Variants in FBXO22 observed in about 807,000 individuals in gnomAD.
The protein encoded by FBXO22 is F-box only protein 22.
A neutral mutation model predicts 37.2 loss-of-function variants in FBXO22; 13 were observed. The ratio of observed to expected loss-of-function variants is 0.35; its 90% CI spans 0.23 to 0.56. The LOEUF (loss-of-function observed/expected upper bound fraction) is 0.56, where lower values mean the gene tolerates loss of function less well. Among genes scored for constraint, FBXO22 ranks in the 20% least tolerant of loss-of-function variants. FBXO22 has a pLI of 0.87. For synonymous variants in FBXO22, 189 were observed against 189.1 expected (o/e 1.00, Z 0.00); for missense variants, 446 against 509.9 (o/e 0.87, Z 1.21).
intron 6 of FBXO22, among the ~76,000 whole-genome samples, chr15:75,932,280 C>CG (rs140854350): frequency 1.3e-5 from 2 of 152,080 alleles, no homozygotes; most frequent in African/African-American, 2.4e-5. Context: ...CAGCTGAAGT[C>CG]GGGGGGAAGA....
At chr15:75,909,099 T>G (rs1397251964) in intron 2 of FBXO22, among the ~76,000 whole-genome samples, 1 of 152,206 alleles carries the variant, frequency 6.6e-6, no homozygotes, top group East Asian at 1.9e-4. Flanking sequence ...CTTGGAAAAA[T>G]ATATCATCCT....
At chr15:75,924,812 A>AG (rs1900404752) in intron 5 of FBXO22, among the ~76,000 whole-genome samples, 1 of 152,166 alleles carries the variant, frequency 6.6e-6, no homozygotes, top group African/African-American at 2.4e-5. Context: ...TGCTCCTTTG[A>AG]GAATGCTTGA....
chr15:75,941,348 C>A lies in FBXO22; in HGVS notation c.*8246C>A, dbSNP rs1243993049. The A allele has an allele frequency of 2.6e-5, 4 of 152,138 alleles. No individual in the cohort carries two copies. Among genetic ancestry groups the A allele is most frequent in the African/African-American group, 9.7e-5 (4 of 41,440 alleles). The allele number at this position is 152,138 out of a possible 1,614,324, so 9.4% of individuals were successfully genotyped here. A position where few individuals can be genotyped will look rare whatever the true frequency, so the allele number is the denominator to read the frequency against. ...CTGATGGAAATATAGTGGTATGCAG[C>A]TGCTGTAGAAAACAGTATGGTGATT... On this transcript the variant is annotated 3_prime_UTR_variant, in exon 7 of 7. Coordinates refer to ENST00000308275, the MANE Select transcript of FBXO22 (RefSeq NM_147188.3).
Position 75,932,931 on chromosome 15 carries a change from GT to G in FBXO22, c.1047del (p.Pro350LeufsTer19). ...GNVEADAFRK[F>X]FPSVPLFGFF... is the part of the protein sequence containing the mutation. ...ATGTTGAGGCTGATGCATTTAGAAA[GT>G]TTTTTCCTAGTGTTCCCTTATTCGG... On this transcript the variant is annotated frameshift_variant, in exon 7 of 7. Transcript: ENST00000308275. LOFTEE classifies it high-confidence loss of function. The G allele has an allele frequency of 2.5e-6, 4 of 1,614,232 alleles. No individual in the cohort carries two copies. The highest frequency in any genetic ancestry group is 3.4e-6 in the Non-Finnish European group (4 of 1,180,038).
chr15:75,932,306 A>T (rs908052306), intron 6 of FBXO22, among the ~76,000 whole-genome samples: 1 of 152,264 alleles, frequency 6.6e-6, no homozygotes, highest in African/African-American at 2.4e-5. Flanking sequence ...TAATGTAAAC[A>T]ATAGCAGAAG....
At chr15:75,906,677 C>A (rs1398211783) in intron 2 of FBXO22, among the ~76,000 whole-genome samples, 1 of 152,122 alleles carries the variant, frequency 6.6e-6, no homozygotes, top group Non-Finnish European at 1.5e-5. Flanking sequence ...GGCTCTGGAA[C>A]TCTCATTCCA....
rs751916562 is a variant in FBXO22, at chr15:75,933,699, A to G, written c.*597A>G. The G allele has an allele frequency of 1.0e-5, 3 of 287,708 alleles. No individual in the cohort carries two copies. Among genetic ancestry groups the G allele is most frequent in the South Asian group, 9.2e-5 (3 of 32,742 alleles). The allele number at this position is 287,708 out of a possible 1,614,324, so 17.8% of individuals were successfully genotyped here. A position where few individuals can be genotyped will look rare whatever the true frequency, so the allele number is the denominator to read the frequency against. On this transcript the variant is annotated 3_prime_UTR_variant, in exon 7 of 7. Coordinates refer to ENST00000308275, the MANE Select transcript of FBXO22 (RefSeq NM_147188.3). ...CTAATCAGTATTTTATTATAAGTAA[A>G]AGATTTTTCTTCTTTCCTTAAAAAT... is the stretch of plus-strand genomic sequence containing the variant.
At chr15:75,906,873 TAATA>T (rs1475618087) in intron 2 of FBXO22, among the ~76,000 whole-genome samples, 3 of 152,210 alleles carry the variant, frequency 2.0e-5, no homozygotes, top group Non-Finnish European at 2.9e-5. Context: ...AATGTTAATC[TAATA>T]AATAAAGCTA....
At chr15:75,930,439 C>T (rs1457418357) in intron 6 of FBXO22, 10 of 1,020,390 alleles carry the variant, frequency 9.8e-6, no homozygotes, top group Non-Finnish European at 1.1e-5. Flanking sequence ...TCTAATATGC[C>T]CAGTGCTGTG....
chr15:75,920,135 A>T (rs1327870194), intron 5 of FBXO22, among the ~76,000 whole-genome samples: 2 of 152,232 alleles, frequency 1.3e-5, no homozygotes, highest in Non-Finnish European at 2.9e-5. Flanking sequence ...TTTAGGAGCA[A>T]ATGTGGCTAT....
intron 3 of FBXO22, among the ~76,000 whole-genome samples, chr15:75,913,854 G>GA (rs1900124115): frequency 6.6e-6 from 1 of 152,162 alleles, no homozygotes; most frequent in African/African-American, 2.4e-5. Context: ...TGCTAAATTT[G>GA]ACATCACTGG....
In FBXO22 at chr15:75,913,700, G is replaced by A. The variant is rs112210662; in HGVS notation, c.367+410G>A. Among the ~76,000 whole-genome samples the A allele has an allele frequency of 7.5e-3, 1,147 of 152,258 alleles. 13 individuals are homozygous for A. Among genetic ancestry groups the A allele is most frequent in the African/African-American group, 0.026 (1,080 of 41,524 alleles). ...AAGGCAGAATGGGTATCCAAGATGC[G>A]CACACTCAGGTCCCAAGTTAGACTT... is the stretch of plus-strand genomic sequence containing the variant. On this transcript the variant is annotated intron_variant, in intron 3 of 6. Coordinates refer to ENST00000308275, the MANE Select transcript of FBXO22 (RefSeq NM_147188.3).
intron 2 of FBXO22, among the ~76,000 whole-genome samples, chr15:75,910,748 G>A (rs1028406039): frequency 2.0e-5 from 3 of 152,204 alleles, no homozygotes; most frequent in Non-Finnish European, 2.9e-5. Context: ...CTTTTGCTGT[G>A]TAGAAGCTCT....
At chr15:75,909,570 T>C (rs2141703987) in intron 2 of FBXO22, among the ~76,000 whole-genome samples, 1 of 152,320 alleles carries the variant, frequency 6.6e-6, no homozygotes, top group East Asian at 1.9e-4. Flanking sequence ...CTTTTGCTGG[T>C]ACTTGATGTT....
intron 5 of FBXO22, among the ~76,000 whole-genome samples, chr15:75,925,496 G>A (rs1464365830): frequency 6.6e-6 from 1 of 151,838 alleles, no homozygotes; most frequent in Non-Finnish European, 1.5e-5. Context: ...TTCCAAAAAA[G>A]TGTGAAGAAG....
At position 75,928,583 on chromosome 15, in the gene FBXO22, A is replaced by T. The variant is rs555935208; in HGVS notation, c.629-1301A>T. Among the ~76,000 whole-genome samples the T allele has an allele frequency of 3.3e-5, 5 of 152,316 alleles. No homozygotes were observed. The South Asian group carries it at 1.0e-3, about 32-fold the overall frequency. ...CACAACAGACACTGGGGCCTACCAG[A>T]GGGTGGAGGGTGTGAGGAAGGAGAG... On this transcript the variant is annotated intron_variant, in intron 5 of 6. Coordinates refer to ENST00000308275, the MANE Select transcript of FBXO22 (RefSeq NM_147188.3).
Position 75,934,898 on chromosome 15 carries a change from A to G in FBXO22, c.*1796A>G, listed in dbSNP as rs889784504. 1.3e-5 allele frequency: 2 copies of G among 152,248 alleles called. No individual in the cohort carries two copies. Among genetic ancestry groups the G allele is most frequent in the African/African-American group, 4.8e-5 (2 of 41,470 alleles). 9.4% of individuals were successfully genotyped at this position (152,248 alleles called of 1,614,324 possible). A position where few individuals can be genotyped will look rare whatever the true frequency, so the allele number is the denominator to read the frequency against. ...CTTAGAATTGAATGGATTATTTTAAACAAATTAATACTCATATAAAATGTT... is the reference window on the plus strand; with the variant it reads ...CTTAGAATTGAATGGATTATTTTAAGCAAATTAATACTCATATAAAATGTT... On this transcript the variant is annotated 3_prime_UTR_variant, in exon 7 of 7. Coordinates refer to ENST00000308275, the MANE Select transcript of FBXO22 (RefSeq NM_147188.3).
chr15:75,925,675 T>TAA (rs371276673), intron 5 of FBXO22, among the ~76,000 whole-genome samples: 1,485 of 137,428 alleles, frequency 0.011, 22 homozygotes, highest in African/African-American at 0.028. Flanking sequence ...AAGCTAGTGT[T>TAA]AAAAAAAAAA....
chr15:75,911,945 C>G (rs111945324), intron 2 of FBXO22, among the ~76,000 whole-genome samples: 2,347 of 149,754 alleles, frequency 0.016, 62 homozygotes, highest in African/African-American at 0.054. Context: ...TCCATCAATA[C>G]CTAGTTTATT....
Sources: gnomAD v4.1 joint callset for allele counts (sites outside exome capture counted in the v4.1 genomes callset) on GRCh38, gnomAD v4.1.1 for gene constraint, MANE v1.5 for transcripts, NCBI Gene and HGNC (gene_info 2026-07-23, HGNC 2026-07-21) for gene names.